The following CHODL variants were observed in gnomAD, a reference collection of about 807,000 sequenced individuals.
The protein encoded by CHODL is transmembrane protein MT75.
CHODL carries 29 observed loss-of-function variants against 34.5 expected under a neutral mutation model. That is an observed-to-expected ratio of 0.84 (90% CI 0.63 to 1.15). CHODL has a LOEUF of 1.15. CHODL is among the 50% of genes most tolerant of loss of function. The pLI, the probability that CHODL is intolerant of heterozygous loss-of-function variation, is 0.00. For synonymous variants in CHODL, 125 were observed against 116.1 expected (o/e 1.08, Z -0.49); for missense variants, 332 against 332.5 (o/e 1.00, Z 0.01).
rs373995094 is a variant in CHODL at position 18,171,198 on chromosome 21, G to T, written c.-44-85311G>T. Among the ~76,000 whole-genome samples, 13 of 37,046 alleles carry T rather than the reference G, an allele frequency of 3.5e-4. 1 individual carries two copies. The highest frequency in any genetic ancestry group is 1.3e-3 in the Admixed American group (2 of 1,546). The allele number at this position is 37,046 out of a possible 152,430, so 24.3% of individuals were successfully genotyped here. A position where few individuals can be genotyped will look rare whatever the true frequency, so the allele number is the denominator to read the frequency against. On this transcript the variant is annotated intron_variant, in intron 2 of 6. Transcript: ENST00000400127. ...TGTTCTTCAGACATGGTTTTCTTTA[G>T]TTTTTTTTTTTTTTTTTTTGAGACG...
intron 2 of CHODL, among the ~76,000 whole-genome samples, chr21:18,196,533 G>A (rs1163163506): frequency 3.9e-5 from 6 of 152,136 alleles, no homozygotes; most frequent in Non-Finnish European, 7.4e-5. Flanking sequence ...ATTTTGCGGG[G>A]AGGCGGAGGA....
intron 2 of CHODL, among the ~76,000 whole-genome samples, chr21:18,201,232 A>G (rs2073648075): frequency 6.6e-6 from 1 of 152,172 alleles, no homozygotes; most frequent in Non-Finnish European, 1.5e-5. Flanking sequence ...GTTATTGGCA[A>G]TTATTTTTTA....
At position 18,199,254 on chromosome 21, in the gene CHODL, C is replaced by A. The variant is rs190433519; in HGVS notation, c.-44-57255C>A. On this transcript the variant is annotated intron_variant, in intron 2 of 6. Coordinates refer to the CHODL transcript ENST00000400127. ...GATAATCCACAGTAACTTTTAAGGG[C>A]GGTATCGTTTCAATCAAACTTGATT... is the stretch of plus-strand genomic sequence containing the variant. Among the ~76,000 whole-genome samples the A allele has an allele frequency of 2.6e-4, 40 of 152,044 alleles. No individual in the cohort carries two copies. The East Asian group carries it at 3.3e-3, about 12-fold the overall frequency.
At chr21:18,159,773 T>G (rs2073075051) in intron 2 of CHODL, among the ~76,000 whole-genome samples, 2 of 152,008 alleles carry the variant, frequency 1.3e-5, no homozygotes, top group Non-Finnish European at 2.9e-5. Flanking sequence ...GGAGCACTTT[T>G]CCCAGCTGTG....
At chr21:17,952,206 A>AAAAAAG (rs1215686327) in intron 1 of CHODL, among the ~76,000 whole-genome samples, 1 of 151,258 alleles carries the variant, frequency 6.6e-6, no homozygotes, top group Non-Finnish European at 1.5e-5. Flanking sequence ...AAAAAAAAAA[A>AAAAAAG]AAAAAAAAAG....
chr21:18,211,345 T>G (rs2073773136), intron 2 of CHODL, among the ~76,000 whole-genome samples: 1 of 152,146 alleles, frequency 6.6e-6, no homozygotes, highest in South Asian at 2.1e-4. Context: ...GTACCTGTAT[T>G]TAGGACACTG....
chr21:17,973,994 T>C (rs1273288673), intron 1 of CHODL, among the ~76,000 whole-genome samples: 9 of 152,200 alleles, frequency 5.9e-5, no homozygotes, highest in Non-Finnish European at 8.8e-5. Context: ...ATTAAATTAA[T>C]GTAGTGAAAA....
intron 2 of CHODL, among the ~76,000 whole-genome samples, chr21:18,152,867 A>G (rs545457607): frequency 5.3e-4 from 81 of 152,306 alleles, no homozygotes; most frequent in African/African-American, 1.4e-3. Flanking sequence ...TTAGACTCCA[A>G]ATAAATCTTC....
intron 2 of CHODL, among the ~76,000 whole-genome samples, chr21:18,057,510 C>G (rs1159747145): frequency 1.3e-5 from 2 of 151,932 alleles, no homozygotes; most frequent in African/African-American, 4.8e-5. Context: ...ATCATTATCA[C>G]CCAGAGTTCA....
intron 1 of CHODL, among the ~76,000 whole-genome samples, chr21:17,943,096 T>G (rs994232932): frequency 6.6e-6 from 1 of 152,196 alleles, no homozygotes; most frequent in Non-Finnish European, 1.5e-5. Context: ...TCTTTATAAA[T>G]TACCCAGTTT....
chr21:18,103,342 A>C (rs1235938892), intron 2 of CHODL, among the ~76,000 whole-genome samples: 1 of 152,202 alleles, frequency 6.6e-6, no homozygotes, highest in Non-Finnish European at 1.5e-5. Context: ...AATAAGGAGA[A>C]GATTATAGGC....
intron 1 of CHODL, among the ~76,000 whole-genome samples, chr21:17,982,258 T>C (rs2063719760): frequency 6.6e-6 from 1 of 152,240 alleles, no homozygotes; most frequent in South Asian, 2.1e-4. Context: ...TGTTTTGTGA[T>C]TGGTGAAATC....
At chr21:18,129,675 A>G (rs766265649) in intron 2 of CHODL, among the ~76,000 whole-genome samples, 8 of 152,164 alleles carry the variant, frequency 5.3e-5, no homozygotes, top group Non-Finnish European at 5.9e-5. Context: ...AGAAGTAGAA[A>G]TCCATTAAAA....
chr21:18,184,759 T>C (rs2073421425), intron 2 of CHODL, among the ~76,000 whole-genome samples: 1 of 152,172 alleles, frequency 6.6e-6, no homozygotes, highest in Admixed American at 6.5e-5. Context: ...CTATGTCAAC[T>C]GGAGACAGGG....
chr21:17,965,224 T>C (rs922496348), intron 1 of CHODL, among the ~76,000 whole-genome samples: 4 of 152,170 alleles, frequency 2.6e-5, no homozygotes, highest in Non-Finnish European at 5.9e-5. Context: ...TTCCTAAAAC[T>C]TAGAATGGAG....
At chr21:18,031,680 CAG>C (rs765626333) in intron 2 of CHODL, among the ~76,000 whole-genome samples, 24 of 151,964 alleles carry the variant, frequency 1.6e-4, no homozygotes, top group Non-Finnish European at 3.1e-4. Flanking sequence ...CCTGGAGAGG[CAG>C]AGGCCAGGCT....
At chr21:18,109,934 CA>C (rs1362711993) in intron 2 of CHODL, among the ~76,000 whole-genome samples, 2 of 152,062 alleles carry the variant, frequency 1.3e-5, no homozygotes, top group Non-Finnish European at 2.9e-5. Context: ...TGCTCTCTTA[CA>C]GGTACAATAT....
chr21:18,015,770 C>T (rs1284866071), intron 1 of CHODL, among the ~76,000 whole-genome samples: 2 of 152,202 alleles, frequency 1.3e-5, no homozygotes, highest in African/African-American at 4.8e-5. Flanking sequence ...GATCATGTTG[C>T]TATGCTTTAG....
At chr21:18,253,826 T>C (rs1402749613) in intron 1 of CHODL, among the ~76,000 whole-genome samples, 1 of 152,164 alleles carries the variant, frequency 6.6e-6, no homozygotes, top group Non-Finnish European at 1.5e-5. Context: ...GGCAGCCTGT[T>C]AATTTGTTCA....
Sources: allele counts gnomAD v4.1 joint callset (sites outside exome capture counted in the v4.1 genomes callset), GRCh38; gene constraint gnomAD v4.1.1; transcripts MANE v1.5; gene names NCBI Gene and HGNC (gene_info 2026-07-23, HGNC 2026-07-21).